GALNT13: variants seen among roughly 807,000 people sequenced by gnomAD.
GALNT13 encodes UDP-GalNAc:polypeptide N-acetylgalactosaminyltransferase 13.
In GALNT13, 28 loss-of-function variants were observed where a neutral mutation model predicts 64.2. That is an observed-to-expected ratio of 0.44 (90% CI 0.32 to 0.60). The LOEUF (loss-of-function observed/expected upper bound fraction) is 0.60. GALNT13 is among the 20% of genes least tolerant of loss of function. The probability of loss-of-function intolerance (pLI) is 0.05; values close to 1 mark genes in which losing one functional copy is unlikely to be tolerated. For missense variants in GALNT13, 577 were observed against 669.8 expected (o/e 0.86, Z 1.53); for synonymous variants, 214 against 224.6 (o/e 0.95, Z 0.42).
intron 1 of GALNT13, among the ~76,000 whole-genome samples, chr2:153,891,066 C>A (rs959535): frequency 0.077 from 11,729 of 152,054 alleles, 516 homozygotes; most frequent in East Asian, 0.13. Flanking sequence ...GTCTACATCT[C>A]TTTGCTATTT....
the GALNT13 span, among the ~76,000 whole-genome samples, chr2:153,833,059 G>T: frequency 1.3e-4 from 20 of 152,240 alleles, no homozygotes; most frequent in East Asian, 3.7e-3. Flanking sequence ...GTAGCCTGAT[G>T]AAAATCTTGC....
the GALNT13 span, among the ~76,000 whole-genome samples, chr2:153,138,807 G>T: frequency 2.0e-5 from 3 of 152,038 alleles, no homozygotes; most frequent in South Asian, 2.1e-4. Context: ...ACTGGCAAGT[G>T]GTTCTGCTAA....
chr2:154,223,137 T>G (rs1371588123), intron 4 of GALNT13, among the ~76,000 whole-genome samples: 1 of 152,160 alleles, frequency 6.6e-6, no homozygotes, highest in Non-Finnish European at 1.5e-5. Flanking sequence ...CACCTTTAGG[T>G]ATGTAATCAA....
the GALNT13 span, among the ~76,000 whole-genome samples, chr2:153,326,397 G>T: frequency 6.6e-6 from 1 of 151,434 alleles, no homozygotes; most frequent in Non-Finnish European, 1.5e-5. Context: ...CATGAGATGG[G>T]TCTCCTGAAC....
At chr2:153,624,302 T>C in the GALNT13 span, among the ~76,000 whole-genome samples, 431 of 152,238 alleles carry the variant, frequency 2.8e-3, 9 homozygotes, top group Admixed American at 0.023. Flanking sequence ...AACTGCATTA[T>C]TGGGCACAGA....
chr2:153,986,135 CAAA>C (rs1306536259), intron 3 of GALNT13, among the ~76,000 whole-genome samples: 11 of 152,006 alleles, frequency 7.2e-5, no homozygotes, highest in African/African-American at 2.7e-4. Flanking sequence ...GCCTCCTTTT[CAAA>C]TCAGTACCTC....
intron 3 of GALNT13, among the ~76,000 whole-genome samples, chr2:154,120,835 A>G (rs999216004): frequency 6.6e-6 from 1 of 152,124 alleles, no homozygotes; most frequent in Non-Finnish European, 1.5e-5. Flanking sequence ...CTGGTGCCAC[A>G]ACTGGCAGGA....
chr2:153,121,671 G>A, the GALNT13 span, among the ~76,000 whole-genome samples: 1 of 152,126 alleles, frequency 6.6e-6, no homozygotes, highest in East Asian at 1.9e-4. Context: ...TGGGACTACA[G>A]GCACCCACGA....
chr2:154,231,828 G>T lies in GALNT13; in HGVS notation c.312-10202G>T, dbSNP rs369195375. ...ACCTAATATCTAACCTATTTTGTTT[G>T]GTTTTATTTTTGTATAGATTTTTAA... On this transcript the variant is annotated intron_variant, in intron 4 of 12. Transcript: ENST00000392825. Among the ~76,000 whole-genome samples the T allele has an allele frequency of 3.4e-5, 5 of 148,854 alleles. No individual in the cohort carries two copies. In the South Asian group the frequency reaches 6.7e-4, roughly 20 times the overall value.
chr2:153,914,123 CT>C (rs1404783932), intron 2 of GALNT13, among the ~76,000 whole-genome samples: 1 of 152,156 alleles, frequency 6.6e-6, no homozygotes, highest in African/African-American at 2.4e-5. Context: ...AATCTTATAG[CT>C]TTATTGTATT....
At chr2:153,353,913 C>T in the GALNT13 span, among the ~76,000 whole-genome samples, 12 of 152,054 alleles carry the variant, frequency 7.9e-5, no homozygotes, top group Non-Finnish European at 8.8e-5. Context: ...GCCTGCCTGA[C>T]AGAATGGGTT....
chr2:154,377,757 A>G (rs1698069621), intron 9 of GALNT13, among the ~76,000 whole-genome samples: 1 of 152,264 alleles, frequency 6.6e-6, no homozygotes, highest in African/African-American at 2.4e-5. Flanking sequence ...TTTTTTCTTC[A>G]TTGTACTTCC....
the GALNT13 span, among the ~76,000 whole-genome samples, chr2:153,589,646 C>T: frequency 6.6e-6 from 1 of 152,170 alleles, no homozygotes; most frequent in South Asian, 2.1e-4. Context: ...GCCTCACAAT[C>T]ATGGAAGAAG....
the GALNT13 span, among the ~76,000 whole-genome samples, chr2:153,449,267 C>T: frequency 2.0e-5 from 3 of 152,094 alleles, no homozygotes; most frequent in Admixed American, 6.5e-5. Flanking sequence ...GAAGCCCAAA[C>T]CGAATACCAG....
At chr2:153,462,749 A>G in the GALNT13 span, among the ~76,000 whole-genome samples, 1 of 152,156 alleles carries the variant, frequency 6.6e-6, no homozygotes, top group Non-Finnish European at 1.5e-5. Context: ...TCACTGTTCA[A>G]AAGACTTGTC....
At chr2:153,106,553 T>C in the GALNT13 span, among the ~76,000 whole-genome samples, 1 of 152,316 alleles carries the variant, frequency 6.6e-6, no homozygotes, top group Admixed American at 6.5e-5. Flanking sequence ...ATGCAGTCCA[T>C]GCTGACTGTG....
rs1160861850 is a variant in GALNT13, at chr2:154,451,372, C to T, written c.*821C>T. The T allele has an allele frequency of 6.6e-6, 1 of 152,032 alleles. No homozygotes were observed. The highest frequency in any genetic ancestry group is 1.5e-5 in the Non-Finnish European group (1 of 67,992). The allele number at this position is 152,032 out of a possible 1,614,324, so 9.4% of individuals were successfully genotyped here. On this transcript the variant is annotated 3_prime_UTR_variant, in exon 13 of 13. Coordinates refer to ENST00000392825, the MANE Select transcript of GALNT13 (RefSeq NM_052917.4). ...TAACCAAAATCTTGGTCTCCACAAA[C>T]TCTACCATCCCTTTTCTCTTCACTC...
chr2:153,955,491 A>T (rs994606366), intron 3 of GALNT13, among the ~76,000 whole-genome samples: 1 of 152,214 alleles, frequency 6.6e-6, no homozygotes, highest in Non-Finnish European at 1.5e-5. Flanking sequence ...ATTAGTTGAT[A>T]GGAGCAGAAT....
the GALNT13 span, among the ~76,000 whole-genome samples, chr2:153,787,443 C>CT: frequency 6.6e-6 from 1 of 152,296 alleles, no homozygotes; most frequent in East Asian, 1.9e-4. Context: ...AGCCTACTGA[C>CT]TGTACTCAAT....
Sources: gnomAD v4.1 joint callset for allele counts (sites outside exome capture counted in the v4.1 genomes callset) on GRCh38, gnomAD v4.1.1 for gene constraint, MANE v1.5 for transcripts, NCBI Gene and HGNC (gene_info 2026-07-23, HGNC 2026-07-21) for gene names.